CA10: variants seen among roughly 807,000 people sequenced by gnomAD.
The protein encoded by CA10 is carbonic anhydrase 10 (inactive), also known as carbonic anhydrase-related protein 10.
In CA10, 14 loss-of-function variants were observed where a neutral mutation model predicts 44.2. That is an observed-to-expected ratio of 0.32 (90% CI 0.21 to 0.50). The LOEUF (loss-of-function observed/expected upper bound fraction) is 0.50, where lower values mean the gene tolerates loss of function less well. Ranked by LOEUF, CA10 falls within the 20% of genes least tolerant of loss-of-function variation. The probability of loss-of-function intolerance (pLI) is 0.99; values close to 1 mark genes in which losing one functional copy is unlikely to be tolerated. For synonymous variants in CA10, 159 were observed against 141.6 expected, an observed-to-expected ratio of 1.12 and a Z score of -0.87; for missense variants, 350 against 409.7, an observed-to-expected ratio of 0.85 and a Z score of 1.26.
intron 4 of CA10, among the ~76,000 whole-genome samples, chr17:51,698,923 T>C (rs1266434865): frequency 1.3e-5 from 2 of 152,224 alleles, no homozygotes; most frequent in Non-Finnish European, 2.9e-5. Context: ...CCATTTTCAT[T>C]ACCCATTCAT....
intron 4 of CA10, among the ~76,000 whole-genome samples, chr17:51,684,705 T>G (rs1036204196): frequency 6.6e-6 from 1 of 152,232 alleles, no homozygotes; most frequent in African/African-American, 2.4e-5. Flanking sequence ...AACTTCTTTA[T>G]GCCTACATGA....
chr17:51,731,106 C>T (rs189893556), intron 4 of CA10, among the ~76,000 whole-genome samples: 16 of 152,278 alleles, frequency 1.1e-4, no homozygotes, highest in African/African-American at 3.1e-4. Context: ...GGGCCAGGCA[C>T]AGTGGCTTAT....
At chr17:51,878,212 A>C (rs2143877645) in intron 3 of CA10, among the ~76,000 whole-genome samples, 1 of 151,790 alleles carries the variant, frequency 6.6e-6, no homozygotes, top group Admixed American at 6.6e-5. Context: ...CAAAGCTGAT[A>C]GTGCATCAGA....
chr17:52,110,801 G>A (rs1324356150), intron 1 of CA10, among the ~76,000 whole-genome samples: 1 of 152,110 alleles, frequency 6.6e-6, no homozygotes, highest in African/African-American at 2.4e-5. Flanking sequence ...TCCTTTGTGG[G>A]CACAGAAGGA....
chr17:51,969,268 C>T (rs1260667569), intron 2 of CA10, among the ~76,000 whole-genome samples: 2 of 151,942 alleles, frequency 1.3e-5, no homozygotes, highest in Non-Finnish European at 2.9e-5. Context: ...AGACACTTTG[C>T]TAGATGCTTT....
rs538127901 is a variant in CA10, at chr17:51,823,681, T to A, written c.280-75863A>T. The stretch of plus-strand genomic sequence containing the variant: ...CAACTCTTAAGACTTGAACACTGTG[T>A]CTGTGCAGTTAGTGCTCTTAGTGGT... On this transcript the variant is annotated intron_variant, in intron 3 of 8. Transcript: ENST00000451037. Among the ~76,000 whole-genome samples, 189 of 152,336 alleles carry A rather than the reference T, an allele frequency of 1.2e-3. 2 individuals carry two copies. The highest frequency in any genetic ancestry group is 4.4e-3 in the African/African-American group (184 of 41,578).
At chr17:51,689,698 C>T (rs1379849742) in intron 4 of CA10, among the ~76,000 whole-genome samples, 2 of 152,156 alleles carry the variant, frequency 1.3e-5, no homozygotes, top group Non-Finnish European at 2.9e-5. Flanking sequence ...CTGTCCCCAG[C>T]CTCCATGTGC....
chr17:51,846,743 C>A (rs1371160393), intron 3 of CA10, among the ~76,000 whole-genome samples: 1 of 152,182 alleles, frequency 6.6e-6, no homozygotes, highest in Non-Finnish European at 1.5e-5. Context: ...GCAAATCATG[C>A]AAGTCTAATG....
intron 2 of CA10, among the ~76,000 whole-genome samples, chr17:52,037,425 C>G (rs543711633): frequency 6.6e-6 from 1 of 152,200 alleles, no homozygotes; most frequent in Non-Finnish European, 1.5e-5. Context: ...GTGAGTAACA[C>G]CTGGATTTAG....
chr17:52,077,398 T>C (rs1987844710), intron 1 of CA10, among the ~76,000 whole-genome samples: 1 of 152,170 alleles, frequency 6.6e-6, no homozygotes, highest in Non-Finnish European at 1.5e-5. Context: ...ACATAATACA[T>C]GTTTTAGGCT....
At chr17:52,058,172 G>A (rs1223050259) in intron 2 of CA10, among the ~76,000 whole-genome samples, 6 of 152,086 alleles carry the variant, frequency 3.9e-5, no homozygotes, top group Non-Finnish European at 7.4e-5. Context: ...AGCCTTACAC[G>A]TGCCTCCCTG....
chr17:51,705,292 TC>T (rs1210736830), intron 4 of CA10, among the ~76,000 whole-genome samples: 4 of 152,140 alleles, frequency 2.6e-5, no homozygotes, highest in African/African-American at 9.7e-5. Context: ...TTCTCTCACC[TC>T]CCAGGTGAGG....
At chr17:51,683,449 C>T (rs1914909505) in intron 4 of CA10, among the ~76,000 whole-genome samples, 1 of 152,158 alleles carries the variant, frequency 6.6e-6, no homozygotes, top group South Asian at 2.1e-4. Context: ...CTTCCAGATC[C>T]ATTGTGTGGA....
At chr17:51,879,664 T>G (rs1454305383) in intron 3 of CA10, among the ~76,000 whole-genome samples, 1 of 152,014 alleles carries the variant, frequency 6.6e-6, no homozygotes, top group African/African-American at 2.4e-5. Flanking sequence ...GAGAACAGAG[T>G]GTCCCAAAGC....
intron 4 of CA10, among the ~76,000 whole-genome samples, chr17:51,668,919 G>A (rs1378051684): frequency 6.6e-6 from 1 of 152,256 alleles, no homozygotes; most frequent in Non-Finnish European, 1.5e-5. Context: ...ACCTGGGCCA[G>A]CAGCTGTGGA....
At chr17:51,883,653 C>T (rs1250031497) in intron 3 of CA10, among the ~76,000 whole-genome samples, 1 of 152,184 alleles carries the variant, frequency 6.6e-6, no homozygotes, top group Non-Finnish European at 1.5e-5. Context: ...TCCCAGCTCC[C>T]TCCCTGGCAG....
intron 3 of CA10, among the ~76,000 whole-genome samples, chr17:51,814,488 C>G (rs1907492137): frequency 6.6e-6 from 1 of 152,168 alleles, no homozygotes; most frequent in African/African-American, 2.4e-5. Context: ...GAAAAAAGGG[C>G]AAGGCAAATT....
chr17:51,694,659 T>A (rs1234509308), intron 4 of CA10, among the ~76,000 whole-genome samples: 1 of 152,204 alleles, frequency 6.6e-6, no homozygotes, highest in African/African-American at 2.4e-5. Flanking sequence ...TTAGTTTAAT[T>A]CGGTCCCACT....
intron 3 of CA10, among the ~76,000 whole-genome samples, chr17:51,841,177 C>T (rs1978315904): frequency 6.6e-6 from 1 of 152,154 alleles, no homozygotes; most frequent in African/African-American, 2.4e-5. Flanking sequence ...AGCAGTATGT[C>T]CAGACCTCAC....
Sources: allele counts gnomAD v4.1 joint callset (sites outside exome capture counted in the v4.1 genomes callset), GRCh38; gene constraint gnomAD v4.1.1; transcripts MANE v1.5; gene names NCBI Gene and HGNC (gene_info 2026-07-23, HGNC 2026-07-21).